The following FOCAD variants were observed in gnomAD, a reference collection of about 807,000 sequenced individuals.
FOCAD encodes KIAA1797.
FOCAD carries 198 observed loss-of-function variants against 225.6 expected under a neutral mutation model. The observed-to-expected ratio is 0.88, with a 90% CI of 0.78 to 0.99. The LOEUF (loss-of-function observed/expected upper bound fraction) is 0.99, where lower values mean the gene tolerates loss of function less well. Ranked by LOEUF, FOCAD falls within the 50% of genes least tolerant of loss-of-function variation. The probability of loss-of-function intolerance (pLI) is 0.00; values close to 1 mark genes in which losing one functional copy is unlikely to be tolerated. For synonymous variants in FOCAD, 897 were observed against 755.0 expected (o/e 1.19, Z -3.08); for missense variants, 2,713 against 2,123.6 (o/e 1.28, Z -5.46).
intron 35 of FOCAD, among the ~76,000 whole-genome samples, chr9:20,965,705 G>T (rs1839195365): frequency 6.6e-6 from 1 of 152,088 alleles, no homozygotes; most frequent in Non-Finnish European, 1.5e-5. Flanking sequence ...ATTTTTCCAA[G>T]ATCCTAGCAA....
intron 34 of FOCAD, among the ~76,000 whole-genome samples, chr9:20,951,590 G>A (rs921020483): frequency 1.3e-5 from 2 of 152,204 alleles, no homozygotes; most frequent in Non-Finnish European, 2.9e-5. Flanking sequence ...AGTTTTTCTG[G>A]CCTCCGATTT....
chr9:20,862,890 A>C, intron 16 of FOCAD, 178 bp downstream of exon 16: 1 of 483,130 alleles, frequency 2.1e-6, no homozygotes, highest in Non-Finnish European at 3.4e-6. Context: ...TATGTCTAAA[A>C]TGTATTTACA....
intron 11 of FOCAD, among the ~76,000 whole-genome samples, chr9:20,802,990 C>G (rs954986845): frequency 1.3e-5 from 2 of 151,932 alleles, no homozygotes; most frequent in Non-Finnish European, 2.9e-5. Context: ...TCTCTAATTC[C>G]GTATTGCCTC....
In FOCAD at chr9:20,868,725, C is replaced by G. The variant is rs991829875; in HGVS notation, c.2190+1713C>G. Among the ~76,000 whole-genome samples, 5 of 151,528 alleles carry G rather than the reference C, an allele frequency of 3.3e-5. No homozygotes were observed. The South Asian group carries it at 8.3e-4, about 25-fold the overall frequency. On this transcript the variant is annotated intron_variant, in intron 18 of 43. Transcript: ENST00000338382. ...TTTTCAGCTTTTTTTTTTTCTTGCC[C>G]TAATCCCCTTCTGGGATATGACCCA... is the stretch of plus-strand genomic sequence containing the variant.
chr9:20,862,578 G>A lies in FOCAD; in HGVS notation c.1921G>A (p.Val641Ile), dbSNP rs763775949. 9.9e-6 allele frequency: 16 copies of A among 1,612,582 alleles called. No homozygotes were observed. Among genetic ancestry groups the A allele is most frequent in the African/African-American group, 1.3e-5 (1 of 74,836 alleles). The change falls in exon 16 of 44, where the codon GTT (valine) becomes ATT (isoleucine). Residue 641 changes from valine to isoleucine, a missense_variant and splice_region_variant. Coordinates refer to ENST00000338382, the MANE Select transcript of FOCAD (RefSeq NM_001375567.1). ...TTGACCTTTTCTATTTGCTTCACAG[G>A]TTGTTTGCATTCGCTCCACTTGGAA... ...QGLHALCQAE[V>I]VCIRSTWNAL...
At chr9:20,758,269 T>G in intron 6 of FOCAD, 78 bp downstream of exon 6, 1 of 944,932 alleles carries the variant, frequency 1.1e-6, no homozygotes, top group Middle Eastern at 2.2e-4. Context: ...GGGTTTTTTT[T>G]TGTTTGTTTG....
At chr9:20,820,700 G>A (rs1044667406) in intron 13 of FOCAD, among the ~76,000 whole-genome samples, 1 of 152,060 alleles carries the variant, frequency 6.6e-6, no homozygotes, top group African/African-American at 2.4e-5. Flanking sequence ...AATGATTAGA[G>A]CCTTTGTAAT....
chr9:20,821,487 T>C (rs999684574), intron 14 of FOCAD, among the ~76,000 whole-genome samples: 10 of 152,180 alleles, frequency 6.6e-5, no homozygotes, highest in East Asian at 1.9e-4. Context: ...TTTTTGGAAA[T>C]GGAATTATTT....
intron 4 of FOCAD, among the ~76,000 whole-genome samples, chr9:20,735,058 A>T (rs1180465359): frequency 6.6e-6 from 1 of 152,198 alleles, no homozygotes; most frequent in Non-Finnish European, 1.5e-5. Flanking sequence ...ATCAACATGA[A>T]AGTGCTTACT....
rs1421950938 is a variant in FOCAD at position 20,923,696 on chromosome 9, T to C, written c.2889T>C (p.Ala963=). Residue 963 remains alanine (A), a synonymous_variant, in exon 25 of 44, where the codon GCT becomes GCC. Transcript: ENST00000338382. The part of the protein sequence containing the change: ...SPVVKGNALL[A]LSSLAVVVSR... ...TAGTGAAAGGCAATGCGCTGTTAGC[T>C]CTAAGCAGCCTTGCTGTCGTCGTAT... The C allele has an allele frequency of 1.4e-5, 22 of 1,614,008 alleles. No individual in the cohort carries two copies. Among genetic ancestry groups the C allele is most frequent in the Non-Finnish European group, 1.7e-5 (20 of 1,179,996 alleles).
intron 20 of FOCAD, among the ~76,000 whole-genome samples, chr9:20,882,377 G>C (rs187427590): frequency 6.6e-6 from 1 of 152,202 alleles, no homozygotes; most frequent in Non-Finnish European, 1.5e-5. Context: ...TGGGACTAGG[G>C]CGACAAATTA....
intron 8 of FOCAD, among the ~76,000 whole-genome samples, chr9:20,777,232 T>A (rs904875380): frequency 6.6e-6 from 1 of 151,990 alleles, no homozygotes; most frequent in South Asian, 2.1e-4. Flanking sequence ...TGTCAAATTA[T>A]ATTGTTTTCA....
At chr9:20,845,174 C>CA (rs1301058136) in intron 15 of FOCAD, among the ~76,000 whole-genome samples, 1 of 151,924 alleles carries the variant, frequency 6.6e-6, no homozygotes, top group Non-Finnish European at 1.5e-5. Context: ...TTAGAATATG[C>CA]ATATTGGTTT....
Position 20,982,434 on chromosome 9 carries a change from C to A in FOCAD, c.4716C>A (p.Ala1572=). 6.2e-7 allele frequency: 1 copy of A among 1,613,288 alleles called. No individual in the cohort carries two copies. ...EMTDDDANRI[A]QVTKSNIEKA... is the part of the protein sequence containing the mutation. The stretch of plus-strand genomic sequence containing the variant: ...CAGATGATGATGCCAATCGGATCGC[C>A]CAGGTTACTAAGGTAATAACATATC... The change falls in exon 39 of 44, where the codon GCC becomes GCA. Residue 1572 remains alanine (A), a synonymous_variant. Transcript: ENST00000338382.
At chr9:20,710,903 G>A (rs184958902) in intron 1 of FOCAD, among the ~76,000 whole-genome samples, 12 of 152,210 alleles carry the variant, frequency 7.9e-5, no homozygotes, top group Admixed American at 7.8e-4. Context: ...TTATGTACTG[G>A]GAGTTAGCAA....
intron 35 of FOCAD, among the ~76,000 whole-genome samples, chr9:20,972,342 A>G (rs1053425117): frequency 1.3e-5 from 2 of 152,044 alleles, no homozygotes; most frequent in African/African-American, 4.8e-5. Flanking sequence ...TCTAATAGGT[A>G]TAGGCTGATA....
Position 20,990,233 on chromosome 9 carries a change from G to T in FOCAD, c.5115G>T (p.Glu1705Asp). 2.5e-6 allele frequency: 4 copies of T among 1,614,196 alleles called. No homozygotes were observed. In the African/African-American group the frequency reaches 5.3e-5, roughly 22 times the overall value. The change falls in exon 42 of 44, where the codon GAG becomes GAT. Residue 1705 changes from glutamate to aspartate, a missense_variant. Transcript: ENST00000338382. ...LSASWLPWHQ[E>D]NGPAGPVPSF... is the part of the protein sequence containing the mutation. ...CCAGTTGGTTGCCATGGCATCAGGAGAATGGCCCGGCTGGGCCAGTACCAA... is the reference window on the plus strand; with the variant it reads ...CCAGTTGGTTGCCATGGCATCAGGATAATGGCCCGGCTGGGCCAGTACCAA...
intron 39 of FOCAD, 23 bp from the exon 40 acceptor site, chr9:20,986,265 A>ATTTTTTTTTTTTTTTTTTTTTTTT: frequency 2.2e-6 from 1 of 457,020 alleles, no homozygotes; most frequent in Non-Finnish European, 2.9e-6. Context: ...GTAACTAAAC[A>ATTTTTTTTTTTTTTTTTTTTTTTT]ATTTTTTTTT....
rs1837007820 is a variant in FOCAD at position 20,944,692 on chromosome 9, C to A, written c.3473C>A (p.Ser1158Tyr). ...ATGAGCCACAGCAGCCAAATGCAGT[C>A]CCGCGTTCACGTAGCAGCATTGCTC... ...SLMSHSSQMQ[S>Y]RVHVAALLRK... Residue 1158 changes from serine to tyrosine, a missense_variant, in exon 29 of 44, where the codon TCC (serine) becomes TAC (tyrosine). By Grantham distance (144) the Ser-to-Tyr change is moderately radical. Transcript: ENST00000338382. 3 of 1,614,100 alleles carry A rather than the reference C, an allele frequency of 1.9e-6. No homozygotes were observed. The highest frequency in any genetic ancestry group is 2.5e-6 in the Non-Finnish European group (3 of 1,179,974).
Sources: allele counts gnomAD v4.1 joint callset (sites outside exome capture counted in the v4.1 genomes callset), GRCh38; gene constraint gnomAD v4.1.1; transcripts MANE v1.5; gene names NCBI Gene and HGNC (gene_info 2026-07-23, HGNC 2026-07-21).